MATCAP2: variants seen among roughly 807,000 people sequenced by gnomAD.
MATCAP2 encodes the protein putative tyrosine carboxypeptidase MATCAP2.
the MATCAP2 span, among the ~76,000 whole-genome samples, chr7:36,374,363 A>C: frequency 6.6e-6 from 1 of 151,990 alleles, no homozygotes; most frequent in Non-Finnish European, 1.5e-5. Flanking sequence ...TATAGGCATG[A>C]TCTACTGCAC....
chr7:36,376,655 T>G, the MATCAP2 span, among the ~76,000 whole-genome samples: 1 of 152,192 alleles, frequency 6.6e-6, no homozygotes, highest in Non-Finnish European at 1.5e-5. Flanking sequence ...TTGTTAACCT[T>G]CTGTCTCGTT....
the MATCAP2 span, chr7:36,331,134 G>T: frequency 9.9e-7 from 1 of 1,014,418 alleles, no homozygotes; most frequent in Non-Finnish European, 1.6e-6. Flanking sequence ...TTACTAAGTA[G>T]ATATCAACCC....
chr7:36,338,959 TCTTTTTA>T, the MATCAP2 span, among the ~76,000 whole-genome samples: 1 of 152,226 alleles, frequency 6.6e-6, no homozygotes, highest in African/African-American at 2.4e-5. Flanking sequence ...AGTTGTCCTA[TCTTTTTA>T]GACCAAACCA....
At chr7:36,364,191 G>A in the MATCAP2 span, among the ~76,000 whole-genome samples, 2 of 151,776 alleles carry the variant, frequency 1.3e-5, no homozygotes, top group African/African-American at 4.8e-5. Context: ...GCGCTCAAGT[G>A]ATACTCCTGC....
the MATCAP2 span, among the ~76,000 whole-genome samples, chr7:36,327,674 G>C: frequency 6.6e-6 from 1 of 152,182 alleles, no homozygotes; most frequent in Non-Finnish European, 1.5e-5. Flanking sequence ...ATCCAAAAAT[G>C]CAAAATCTGA....
the MATCAP2 span, among the ~76,000 whole-genome samples, chr7:36,338,987 C>T: frequency 6.6e-6 from 1 of 152,236 alleles, no homozygotes; most frequent in Non-Finnish European, 1.5e-5. Flanking sequence ...ATGCATTCCT[C>T]ACATGTATTG....
At chr7:36,383,115 G>C in the MATCAP2 span, among the ~76,000 whole-genome samples, 1 of 151,516 alleles carries the variant, frequency 6.6e-6, no homozygotes, top group Admixed American at 6.6e-5. Flanking sequence ...AATTAAACTA[G>C]AAAAAAAATC....
the MATCAP2 span, chr7:36,324,704 T>C: frequency 1.3e-5 from 2 of 152,254 alleles, no homozygotes; most frequent in South Asian, 4.1e-4. Flanking sequence ...GAAACTACTT[T>C]TGGTTCACTG....
the MATCAP2 span, chr7:36,366,637 C>T: frequency 2.7e-6 from 4 of 1,507,514 alleles, no homozygotes; most frequent in Non-Finnish European, 3.6e-6. Flanking sequence ...TGGATTGTAC[C>T]TTTGTAAGAC....
At chr7:36,383,434 CTAGA>C in the MATCAP2 span, among the ~76,000 whole-genome samples, 1 of 152,090 alleles carries the variant, frequency 6.6e-6, no homozygotes, top group Non-Finnish European at 1.5e-5. Context: ...CAATGATAGA[CTAGA>C]TAAAGAAAAT....
the MATCAP2 span, chr7:36,356,796 A>AC: frequency 1.0e-6 from 1 of 979,218 alleles, no homozygotes; most frequent in East Asian, 2.6e-5. Context: ...ACCATAACAT[A>AC]GAAATAATTT....
At chr7:36,335,103 T>C in the MATCAP2 span, 8 of 1,614,016 alleles carry the variant, frequency 5.0e-6, no homozygotes, top group Non-Finnish European at 6.8e-6. Flanking sequence ...GACACATTGA[T>C]AGTCAGAGTC....
At chr7:36,334,224 A>G in the MATCAP2 span, 4 of 1,396,420 alleles carry the variant, frequency 2.9e-6, no homozygotes, top group Non-Finnish European at 3.9e-6. Context: ...TTCTTCCCCC[A>G]AAGTTAGATT....
chr7:36,366,266 T>C, the MATCAP2 span, among the ~76,000 whole-genome samples: 1 of 152,214 alleles, frequency 6.6e-6, no homozygotes, highest in Non-Finnish European at 1.5e-5. Context: ...GTAAGGTTTT[T>C]TTTAATAGCT....
At chr7:36,340,469 CTT>C in the MATCAP2 span, among the ~76,000 whole-genome samples, 2 of 152,124 alleles carry the variant, frequency 1.3e-5, no homozygotes, top group Admixed American at 1.3e-4. Flanking sequence ...TTTGTTTCAT[CTT>C]GACTTGCACG....
the MATCAP2 span, among the ~76,000 whole-genome samples, chr7:36,328,239 T>TGTGGG: frequency 4.0e-5 from 1 of 25,250 alleles, no homozygotes; most frequent in Non-Finnish European, 9.2e-5. Context: ...TTTGTTTTTG[T>TGTGGG]AGGGGGGGGG....
chr7:36,357,281 G>C, the MATCAP2 span: 1 of 1,614,150 alleles, frequency 6.2e-7, no homozygotes. Flanking sequence ...GCAGTACCAA[G>C]TACCACTGCT....
the MATCAP2 span, among the ~76,000 whole-genome samples, chr7:36,368,608 G>A: frequency 6.6e-6 from 1 of 152,258 alleles, no homozygotes; most frequent in South Asian, 2.1e-4. Flanking sequence ...CTTTCACACT[G>A]TTCTCAAAAC....
At chr7:36,342,977 G>A in the MATCAP2 span, among the ~76,000 whole-genome samples, 1 of 152,080 alleles carries the variant, frequency 6.6e-6, no homozygotes. Flanking sequence ...GAACTGTGAT[G>A]TTCCAAGGAA....
Sources: allele counts gnomAD v4.1 joint callset (sites outside exome capture counted in the v4.1 genomes callset), GRCh38; gene constraint gnomAD v4.1.1; transcripts MANE v1.5; gene names NCBI Gene and HGNC (gene_info 2026-07-23, HGNC 2026-07-21).